The following NEK10 variants were observed in gnomAD, a reference collection of about 807,000 sequenced individuals.
NEK10 encodes the protein serine/threonine-protein kinase Nek10.
NEK10 carries 122 observed loss-of-function variants against 159.8 expected under a neutral mutation model. That is an observed-to-expected ratio of 0.76 (90% CI 0.66 to 0.89). The LOEUF is 0.89. Among genes scored for constraint, NEK10 ranks in the 40% least tolerant of loss-of-function variants. NEK10 has a pLI of 0.00. For missense variants in NEK10, 1,342 were observed against 1,323.1 expected (o/e 1.01, Z -0.22); for synonymous variants, 466 against 457.1 (o/e 1.02, Z -0.25).
At chr3:27,189,021 T>C (rs1455437127) in intron 26 of NEK10, among the ~76,000 whole-genome samples, 1 of 152,266 alleles carries the variant, frequency 6.6e-6, no homozygotes, top group African/African-American at 2.4e-5. Flanking sequence ...CATGACAATA[T>C]TCTAATTATT....
intron 13 of NEK10, 43 bp downstream of exon 13, chr3:27,301,653 A>G: frequency 7.2e-7 from 1 of 1,394,532 alleles, no homozygotes; most frequent in Non-Finnish European, 1.0e-6. Flanking sequence ...ATAATAATAC[A>G]ACACAATAAA....
chr3:27,178,203 C>G (rs1413336509), intron 26 of NEK10, among the ~76,000 whole-genome samples: 2 of 152,142 alleles, frequency 1.3e-5, no homozygotes, highest in African/African-American at 2.4e-5. Flanking sequence ...ATGTGTGCAG[C>G]AGATCATAAT....
chr3:27,139,449 A>G (rs1943560143), intron 31 of NEK10, among the ~76,000 whole-genome samples: 1 of 152,198 alleles, frequency 6.6e-6, no homozygotes, highest in Non-Finnish European at 1.5e-5. Flanking sequence ...AGGGGAATTC[A>G]TGTACACCAT....
At chr3:27,163,771 G>T (rs1946237754) in intron 29 of NEK10, among the ~76,000 whole-genome samples, 1 of 152,078 alleles carries the variant, frequency 6.6e-6, no homozygotes, top group African/African-American at 2.4e-5. Flanking sequence ...ACATGTACTA[G>T]GTATAAGGCA....
chr3:27,284,435 T>G (rs990882907), intron 22 of NEK10, among the ~76,000 whole-genome samples, 167 bp downstream of exon 22: 7 of 152,180 alleles, frequency 4.6e-5, no homozygotes, highest in African/African-American at 1.7e-4. Flanking sequence ...TCAGTCACAC[T>G]AATCACATTT....
At position 27,111,327 on chromosome 3, in the gene NEK10, G is replaced by A. The variant is rs746543667; in HGVS notation, c.3300-7C>T. The A allele has an allele frequency of 6.3e-7, 1 of 1,575,280 alleles. No individual in the cohort carries two copies. The highest frequency in any genetic ancestry group is 1.8e-5 in the Admixed American group (1 of 55,432). On this transcript the variant is annotated splice_polypyrimidine_tract_variant and splice_region_variant and intron_variant, in intron 35 of 35. Coordinates refer to ENST00000691995, the MANE Select transcript of NEK10 (RefSeq NM_001394966.1). ...CCATGGATAGGAATGATACCTATAA[G>A]ATTCAGAAGTGGAAAGAATTCTCTA... is the stretch of plus-strand genomic sequence containing the variant.
At chr3:27,336,106 C>T (rs1417526740) in intron 5 of NEK10, among the ~76,000 whole-genome samples, 2 of 151,864 alleles carry the variant, frequency 1.3e-5, no homozygotes, top group South Asian at 2.1e-4. Context: ...ATTAATGAAT[C>T]GCTAGCTAGA....
intron 20 of NEK10, among the ~76,000 whole-genome samples, chr3:27,287,403 T>C (rs2042698893): frequency 6.6e-6 from 1 of 152,248 alleles, no homozygotes; most frequent in South Asian, 2.1e-4. Context: ...ATTAGTTTTC[T>C]TTTTCCTTGA....
chr3:27,362,108 A>G (rs1037627700), intron 1 of NEK10, among the ~76,000 whole-genome samples: 1 of 152,208 alleles, frequency 6.6e-6, no homozygotes, highest in Non-Finnish European at 1.5e-5. Context: ...AAATCAGAGG[A>G]AAGATTATAG....
intron 6 of NEK10, among the ~76,000 whole-genome samples, chr3:27,316,318 C>T (rs1037444753): frequency 6.6e-6 from 1 of 152,012 alleles, no homozygotes; most frequent in African/African-American, 2.4e-5. Context: ...GCGATATGAT[C>T]AACGGAACAT....
At chr3:27,363,600 G>A (rs2048839724) in intron 1 of NEK10, 1 of 152,172 alleles carries the variant, frequency 6.6e-6, no homozygotes, top group Non-Finnish European at 1.5e-5. Flanking sequence ...ATTGCAGCAT[G>A]TTGATTTGAC....
At chr3:27,284,763 T>C in intron 21 of NEK10, 59 bp from the exon 22 acceptor site, 6 of 1,516,478 alleles carry the variant, frequency 4.0e-6, no homozygotes, top group Non-Finnish European at 5.5e-6. Context: ...TAGCCAAAGA[T>C]GACTACTGCA....
chr3:27,243,193 G>A (rs1433707253), intron 23 of NEK10, among the ~76,000 whole-genome samples: 1 of 151,900 alleles, frequency 6.6e-6, no homozygotes, highest in Non-Finnish European at 1.5e-5. Flanking sequence ...TACTTCTAGG[G>A]TTGTTATGAA....
intron 23 of NEK10, among the ~76,000 whole-genome samples, chr3:27,219,884 A>G (rs1254963790): frequency 1.3e-5 from 2 of 152,240 alleles, no homozygotes; most frequent in African/African-American, 2.4e-5. Context: ...TTTATAGTAC[A>G]CAAAATCAAT....
At chr3:27,125,230 A>T (rs1941808832) in intron 32 of NEK10, among the ~76,000 whole-genome samples, 1 of 152,160 alleles carries the variant, frequency 6.6e-6, no homozygotes, top group South Asian at 2.1e-4. Context: ...TTCTAGGCAA[A>T]ACCTAAATAG....
Position 27,346,125 on chromosome 3 carries a change from C to A in NEK10, c.224G>T (p.Trp75Leu). The change falls in exon 4 of 36, where the codon TGG becomes TTG. Residue 75 changes from tryptophan to leucine, a missense_variant. Transcript: ENST00000691995. ...TTCAACAGCTTCTGTGGATTCATGCCACTGACCCCGAGCTCTGTGTCCACC... is the reference window on the plus strand; with the variant it reads ...TTCAACAGCTTCTGTGGATTCATGCAACTGACCCCGAGCTCTGTGTCCACC... ...RAGGHRARGQ[W>L]HESTEAVELE... 1 of 1,613,712 alleles carries A rather than the reference C, an allele frequency of 6.2e-7. No individual in the cohort carries two copies. Among genetic ancestry groups the A allele is most frequent in the South Asian group, 1.1e-5 (1 of 91,082 alleles).
At chr3:27,132,465 G>A (rs1942735924) in intron 31 of NEK10, among the ~76,000 whole-genome samples, 2 of 152,160 alleles carry the variant, frequency 1.3e-5, no homozygotes, top group African/African-American at 4.8e-5. Context: ...GTCTTGGAGT[G>A]CTCCTGAAAA....
At chr3:27,334,137 G>A (rs1559518515) in intron 5 of NEK10, among the ~76,000 whole-genome samples, 1 of 152,108 alleles carries the variant, frequency 6.6e-6, no homozygotes, top group Non-Finnish European at 1.5e-5. Context: ...TACCACCACT[G>A]GCACCTAAAC....
intron 20 of NEK10, among the ~76,000 whole-genome samples, chr3:27,287,363 A>C (rs1187616948): frequency 6.6e-6 from 1 of 152,196 alleles, no homozygotes; most frequent in African/African-American, 2.4e-5. Flanking sequence ...CAACAAAAAC[A>C]ACTTTCTTTT....
Sources: allele counts gnomAD v4.1 joint callset (sites outside exome capture counted in the v4.1 genomes callset), GRCh38; gene constraint gnomAD v4.1.1; transcripts MANE v1.5; gene names NCBI Gene and HGNC (gene_info 2026-07-23, HGNC 2026-07-21).